OPCML: variants seen among roughly 807,000 people sequenced by gnomAD.
The protein encoded by OPCML is opioid binding protein/cell adhesion molecule like.
A neutral mutation model predicts 37.8 loss-of-function variants in OPCML; 13 were observed. The ratio of observed to expected loss-of-function variants is 0.34; its 90% CI spans 0.22 to 0.55. The LOEUF (loss-of-function observed/expected upper bound fraction) is 0.55. Ranked by LOEUF, OPCML falls within the 20% of genes least tolerant of loss-of-function variation. The probability of loss-of-function intolerance (pLI) is 0.91; values close to 1 mark genes in which losing one functional copy is unlikely to be tolerated. For missense variants in OPCML, 341 were observed against 435.6 expected (o/e 0.78, Z 1.93); for synonymous variants, 176 against 168.8 (o/e 1.04, Z -0.33).
intron 1 of OPCML, among the ~76,000 whole-genome samples, chr11:133,022,661 G>A (rs1409680869): frequency 2.6e-5 from 4 of 152,066 alleles, no homozygotes; most frequent in African/African-American, 9.7e-5. Context: ...ATTCATCATA[G>A]GGGGTTCAAA....
At chr11:132,504,276 T>A (rs12294908) in intron 4 of OPCML, among the ~76,000 whole-genome samples, 1 of 152,040 alleles carries the variant, frequency 6.6e-6, no homozygotes, top group South Asian at 2.1e-4. Flanking sequence ...CATAGCTATC[T>A]TTACCCTTAT....
intron 2 of OPCML, among the ~76,000 whole-genome samples, chr11:132,799,005 C>T (rs964451375): frequency 5.3e-5 from 8 of 152,048 alleles, no homozygotes; most frequent in East Asian, 1.9e-4. Context: ...TTGTAGAGCA[C>T]GGGCAGAGTA....
At chr11:133,263,170 A>G (rs1268055588) in intron 1 of OPCML, among the ~76,000 whole-genome samples, 5 of 152,092 alleles carry the variant, frequency 3.3e-5, no homozygotes. Context: ...TCTCTTTAAA[A>G]TGTAGATGAT....
intron 1 of OPCML, among the ~76,000 whole-genome samples, chr11:133,127,839 C>A (rs1012749894): frequency 6.6e-6 from 1 of 152,010 alleles, no homozygotes; most frequent in Non-Finnish European, 1.5e-5. Flanking sequence ...CAAGGAGGGG[C>A]ACCTCATATG....
At chr11:133,289,770 G>A (rs572565324) in intron 1 of OPCML, among the ~76,000 whole-genome samples, 1 of 152,256 alleles carries the variant, frequency 6.6e-6, no homozygotes, top group South Asian at 2.1e-4. Context: ...TTTAAGCCTG[G>A]ACATGAGCTA....
intron 2 of OPCML, among the ~76,000 whole-genome samples, chr11:132,719,752 C>T (rs894407720): frequency 1.3e-5 from 2 of 152,204 alleles, no homozygotes; most frequent in African/African-American, 4.8e-5. Context: ...GTGTCTTCTC[C>T]TAAACACAGC....
intron 1 of OPCML, among the ~76,000 whole-genome samples, chr11:133,344,065 A>T (rs906757668): frequency 1.3e-5 from 2 of 152,028 alleles, no homozygotes; most frequent in African/African-American, 4.8e-5. Context: ...TGCGCTGCAG[A>T]CTCTCCACTC....
chr11:132,437,081 G>A, intron 5 of OPCML, 141 bp downstream of exon 5: 3 of 1,398,514 alleles, frequency 2.1e-6, no homozygotes. Flanking sequence ...GGAGGCCATG[G>A]TGGGCAAAGC....
intron 1 of OPCML, among the ~76,000 whole-genome samples, chr11:133,248,471 A>G (rs983981631): frequency 6.6e-6 from 1 of 152,244 alleles, no homozygotes; most frequent in Non-Finnish European, 1.5e-5. Flanking sequence ...GGGCAAGGCC[A>G]TTTGTTAAGA....
chr11:132,480,024 A>G (rs1168511783), intron 4 of OPCML, among the ~76,000 whole-genome samples: 3 of 152,204 alleles, frequency 2.0e-5, no homozygotes, highest in Non-Finnish European at 2.9e-5. Context: ...ACGGAGAATG[A>G]CTTTGACGAG....
At chr11:133,403,797 A>T (rs1945462002) in intron 1 of OPCML, among the ~76,000 whole-genome samples, 1 of 152,204 alleles carries the variant, frequency 6.6e-6, no homozygotes, top group South Asian at 2.1e-4. Flanking sequence ...TTCCATGAAA[A>T]CTATTTTATA....
chr11:132,622,226 G>T (rs532934681), intron 3 of OPCML, among the ~76,000 whole-genome samples: 2 of 152,122 alleles, frequency 1.3e-5, no homozygotes, highest in East Asian at 3.9e-4. Flanking sequence ...ATTCAAGTCC[G>T]TCAAGTGACA....
rs1218033689 is a variant in OPCML, at chr11:133,316,688, C to CTTA, written c.61+215573_61+215575dup. Among the ~76,000 whole-genome samples the CTTA allele has an allele frequency of 5.9e-5, 9 of 152,108 alleles. No homozygotes were observed. In the East Asian group the frequency reaches 1.7e-3, roughly 29 times the overall value. ...ATGTTTATGACTCTTAACCCCTGGT[C>CTTA]TTAAACATCTAGCTTTTTGGTTTTG... On this transcript the variant is annotated intron_variant, in intron 1 of 7. Transcript: ENST00000524381.
At chr11:132,503,297 T>C (rs529463363) in intron 4 of OPCML, among the ~76,000 whole-genome samples, 1 of 152,302 alleles carries the variant, frequency 6.6e-6, no homozygotes, top group South Asian at 2.1e-4. Context: ...TTGGTGCCAT[T>C]ATTAGTACCT....
intron 1 of OPCML, among the ~76,000 whole-genome samples, chr11:133,314,557 GA>G (rs58045536): frequency 0.33 from 47,051 of 140,832 alleles, 9,230 homozygotes; most frequent in East Asian, 0.63. Context: ...TCCATAATAA[GA>G]AAAAAAAAAA....
chr11:132,415,709 C>T lies in OPCML; in HGVS notation c.*4484G>A, dbSNP rs1373882878. 1 of 152,586 alleles carries T rather than the reference C, an allele frequency of 6.6e-6. No homozygotes were observed. Among genetic ancestry groups the T allele is most frequent in the East Asian group, 1.9e-4 (1 of 5,194 alleles). The allele number at this position is 152,586 out of a possible 1,614,324, so 9.5% of individuals were successfully genotyped here. On this transcript the variant is annotated 3_prime_UTR_variant, in exon 8 of 8. Transcript: ENST00000524381. ...TAAAGACAACTGCATCTAATTAAGT[C>T]CACTCCACATTTCTTTGGACTCTAA...
chr11:132,957,322 G>T (rs983460153), intron 1 of OPCML, among the ~76,000 whole-genome samples: 8 of 152,066 alleles, frequency 5.3e-5, no homozygotes, highest in Non-Finnish European at 1.2e-4. Context: ...TGGCAAAGAG[G>T]AAGCAAAAGA....
At chr11:133,031,766 GA>G (rs536167593) in intron 1 of OPCML, among the ~76,000 whole-genome samples, 28 of 149,248 alleles carry the variant, frequency 1.9e-4, no homozygotes, top group African/African-American at 5.8e-4. Context: ...CAGTATGACA[GA>G]AAAAAAATTT....
intron 3 of OPCML, among the ~76,000 whole-genome samples, chr11:132,607,354 T>G (rs1938367947): frequency 6.6e-6 from 1 of 152,194 alleles, no homozygotes; most frequent in Non-Finnish European, 1.5e-5. Flanking sequence ...ATAACTGGAC[T>G]GTAGGTTCTT....
Sources: gnomAD v4.1 joint callset for allele counts (sites outside exome capture counted in the v4.1 genomes callset) on GRCh38, gnomAD v4.1.1 for gene constraint, MANE v1.5 for transcripts, NCBI Gene and HGNC (gene_info 2026-07-23, HGNC 2026-07-21) for gene names.